Variants in EPHA5 observed in about 807,000 individuals in gnomAD.
The protein encoded by EPHA5 is ephrin type-A receptor 5.
EPHA5 carries 60 observed loss-of-function variants against 105.0 expected under a neutral mutation model. That is an observed-to-expected ratio of 0.57 (90% CI 0.46 to 0.71). The LOEUF (loss-of-function observed/expected upper bound fraction) is 0.71, where lower values mean the gene tolerates loss of function less well. EPHA5 is among the 30% of genes least tolerant of loss of function. The pLI is 0.00. For missense variants in EPHA5, 1,218 were observed against 1,274.7 expected (o/e 0.96, Z 0.68); for synonymous variants, 513 against 449.1 (o/e 1.14, Z -1.80).
chr4:65,324,312 A>G (rs1037250509), intron 16 of EPHA5, 93 bp from the exon 17 acceptor site: 3 of 789,536 alleles, frequency 3.8e-6, no homozygotes, highest in African/African-American at 3.5e-5. Flanking sequence ...TAGTGCAGAC[A>G]CTAGTTAGAT....
chr4:65,377,212 G>A, intron 8 of EPHA5: 3 of 587,868 alleles, frequency 5.1e-6, no homozygotes, highest in South Asian at 1.1e-4. Flanking sequence ...TTTCCACAGT[G>A]CCTTTCAAAT....
At chr4:65,456,558 T>C (rs564733279) in intron 5 of EPHA5, among the ~76,000 whole-genome samples, 12 of 152,284 alleles carry the variant, frequency 7.9e-5, no homozygotes, top group Non-Finnish European at 1.3e-4. Flanking sequence ...GCTTAATTTA[T>C]GATAGGAGTG....
At chr4:65,344,923 A>G (rs77656240) in intron 14 of EPHA5, among the ~76,000 whole-genome samples, 2 of 152,322 alleles carry the variant, frequency 1.3e-5, no homozygotes, top group East Asian at 3.9e-4. Context: ...CATTGATTCA[A>G]TTGGAGACAG....
chr4:65,495,230 A>T (rs184236944), intron 4 of EPHA5, among the ~76,000 whole-genome samples, 158 bp downstream of exon 4: 2 of 152,298 alleles, frequency 1.3e-5, no homozygotes, highest in African/African-American at 4.8e-5. Flanking sequence ...TTCAGTGCTT[A>T]TTCAAGGAGA....
chr4:65,588,046 T>C (rs1353125904), intron 3 of EPHA5, among the ~76,000 whole-genome samples: 1 of 152,190 alleles, frequency 6.6e-6, no homozygotes, highest in Admixed American at 6.6e-5. Flanking sequence ...CACACTGGGT[T>C]CAAATGTCAA....
Position 65,569,902 on chromosome 4 carries a change from C to A in EPHA5, c.910+31739G>T, listed in dbSNP as rs370279068. ...ATCTAGAGTTCAATCAAATATTTGACAAAAGTTTGAAATCTCCCTGCTATA... is the reference window on the plus strand; with the variant it reads ...ATCTAGAGTTCAATCAAATATTTGAAAAAAGTTTGAAATCTCCCTGCTATA... On this transcript the variant is annotated intron_variant, in intron 3 of 16. Transcript: ENST00000613740. Among the ~76,000 whole-genome samples, 55 of 151,736 alleles carry A rather than the reference C, an allele frequency of 3.6e-4. 1 individual carries two copies. In the East Asian group the frequency reaches 9.1e-3, roughly 25 times the overall value.
intron 5 of EPHA5, among the ~76,000 whole-genome samples, chr4:65,454,261 CAA>C (rs1449826902): frequency 1.3e-5 from 2 of 151,832 alleles, no homozygotes; most frequent in East Asian, 1.9e-4. Context: ...GCCTGGGCGA[CAA>C]GAGCAAAACT....
intron 5 of EPHA5, among the ~76,000 whole-genome samples, chr4:65,455,199 C>T (rs1446327437): frequency 6.6e-6 from 1 of 151,780 alleles, no homozygotes; most frequent in Non-Finnish European, 1.5e-5. Context: ...TGCCACTGCA[C>T]TCCAGCCTGG....
chr4:65,647,653 A>C (rs1420927514), intron 1 of EPHA5, among the ~76,000 whole-genome samples: 1 of 152,180 alleles, frequency 6.6e-6, no homozygotes, highest in East Asian at 1.9e-4. Flanking sequence ...ATTAGATATC[A>C]GAAATTTTAT....
intron 7 of EPHA5, among the ~76,000 whole-genome samples, chr4:65,411,711 A>G (rs1722926380): frequency 6.6e-6 from 1 of 152,198 alleles, no homozygotes; most frequent in African/African-American, 2.4e-5. Flanking sequence ...CCAGTAAAAT[A>G]ATTAATGTGG....
intron 3 of EPHA5, among the ~76,000 whole-genome samples, chr4:65,506,096 T>C (rs540758409): frequency 1.4e-4 from 21 of 152,192 alleles, no homozygotes; most frequent in African/African-American, 4.8e-4. Context: ...TGAGAACATG[T>C]GGTGCTTGGT....
At chr4:65,379,936 C>T (rs1193110699) in intron 8 of EPHA5, among the ~76,000 whole-genome samples, 1 of 151,572 alleles carries the variant, frequency 6.6e-6, no homozygotes. Flanking sequence ...TAACAATGGC[C>T]CCCTAATAAC....
In EPHA5 at chr4:65,669,915, G is replaced by T; in HGVS notation, c.-173C>A. ...AACCACGGATCCGGCTGAGACAGCT[G>T]AAGTTTGCTTCTGGCTCCTCTCGCC... On this transcript the variant is annotated 5_prime_UTR_variant, in exon 1 of 17. Transcript: ENST00000613740. The T allele has an allele frequency of 9.5e-7, 1 of 1,051,672 alleles. No individual in the cohort carries two copies. Among genetic ancestry groups the T allele is most frequent in the Non-Finnish European group, 1.2e-6 (1 of 824,230 alleles). 65.1% of individuals were successfully genotyped at this position (1,051,672 alleles called of 1,614,324 possible).
At chr4:65,516,563 TG>T (rs1734124692) in intron 3 of EPHA5, among the ~76,000 whole-genome samples, 1 of 152,038 alleles carries the variant, frequency 6.6e-6, no homozygotes, top group Admixed American at 6.6e-5. Context: ...TGTGTTTGTG[TG>T]GGCATGCGCG....
chr4:65,570,620 T>C (rs551229324), intron 3 of EPHA5, among the ~76,000 whole-genome samples: 2 of 151,938 alleles, frequency 1.3e-5, no homozygotes, highest in East Asian at 1.9e-4. Flanking sequence ...GATTATACGA[T>C]GAAGAGCAGT....
chr4:65,436,531 C>A (rs1042072997), intron 5 of EPHA5, among the ~76,000 whole-genome samples: 1 of 151,880 alleles, frequency 6.6e-6, no homozygotes, highest in Non-Finnish European at 1.5e-5. Flanking sequence ...ACTGATGGAA[C>A]AATTCAGAGA....
intron 3 of EPHA5, among the ~76,000 whole-genome samples, chr4:65,581,304 A>G (rs60175313): frequency 0.25 from 37,886 of 151,640 alleles, 5,280 homozygotes; most frequent in East Asian, 0.46. Context: ...AAGTATGTAT[A>G]CATGTTAATA....
chr4:65,468,069 C>T (rs1029650356), intron 5 of EPHA5, among the ~76,000 whole-genome samples: 2 of 152,146 alleles, frequency 1.3e-5, no homozygotes, highest in Non-Finnish European at 2.9e-5. Context: ...TTCCAACTTA[C>T]AGAATTTATG....
At chr4:65,375,090 A>T (rs1718861144) in intron 8 of EPHA5, among the ~76,000 whole-genome samples, 1 of 151,964 alleles carries the variant, frequency 6.6e-6, no homozygotes, top group African/African-American at 2.4e-5. Flanking sequence ...TTTAGTCCTG[A>T]TTCCTACCCA....
Sources: allele counts gnomAD v4.1 joint callset (sites outside exome capture counted in the v4.1 genomes callset), GRCh38; gene constraint gnomAD v4.1.1; transcripts MANE v1.5; gene names NCBI Gene and HGNC (gene_info 2026-07-23, HGNC 2026-07-21).